The following DCK variants were observed in gnomAD, a reference collection of about 807,000 sequenced individuals.
DCK encodes deoxycytidine kinase.
Under a neutral mutation model 38.3 loss-of-function variants are expected in DCK, and 23 were observed. That is an observed-to-expected ratio of 0.60 (90% confidence interval 0.43 to 0.85). DCK has a LOEUF of 0.85. Among genes scored for constraint, DCK ranks in the 40% least tolerant of loss-of-function variants. The probability of loss-of-function intolerance (pLI) is 0.00; values close to 1 mark genes in which losing one functional copy is unlikely to be tolerated. For synonymous variants in DCK, 108 were observed against 100.6 expected (o/e 1.07, Z -0.44); for missense variants, 259 against 304.4 (o/e 0.85, Z 1.11).
intron 2 of DCK, among the ~76,000 whole-genome samples, chr4:71,004,196 C>A (rs565133337): frequency 1.3e-5 from 2 of 152,130 alleles, no homozygotes; most frequent in East Asian, 1.9e-4. Flanking sequence ...TTGTTAGTTT[C>A]CTTCTAACAG....
rs1740672946 is a variant in DCK at position 71,030,771 on chromosome 4, G to A, written c.*1393G>A. On this transcript the variant is annotated 3_prime_UTR_variant, in exon 7 of 7. Coordinates refer to ENST00000286648, the MANE Select transcript of DCK (RefSeq NM_000788.3). ...ATTATGAATATTAAAGGTGAAAATTGTATAAATTACTTTGATTCCATTTTA... is the reference window on the plus strand; with the variant it reads ...ATTATGAATATTAAAGGTGAAAATTATATAAATTACTTTGATTCCATTTTA... The A allele has an allele frequency of 6.6e-6, 1 of 152,014 alleles. No homozygotes were observed. Among genetic ancestry groups the A allele is most frequent in the South Asian group, 2.1e-4 (1 of 4,812 alleles). The allele number at this position is 152,014 out of a possible 1,614,324, so 9.4% of individuals were successfully genotyped here. A position where few individuals can be genotyped will look rare whatever the true frequency, so the allele number is the denominator to read the frequency against.
intron 2 of DCK, among the ~76,000 whole-genome samples, chr4:71,001,092 C>T (rs889097935): frequency 5.3e-5 from 8 of 151,286 alleles, no homozygotes; most frequent in South Asian, 2.1e-4. Context: ...TATCCTGTGC[C>T]GATTTTTGAA....
intron 6 of DCK, among the ~76,000 whole-genome samples, chr4:71,027,559 A>G (rs1294994956): frequency 6.6e-6 from 1 of 152,158 alleles, no homozygotes; most frequent in African/African-American, 2.4e-5. Context: ...AATTTGGTTT[A>G]GTTTTGAGAA....
At chr4:71,022,325 C>A in intron 2 of DCK, 42 bp from the exon 3 acceptor site, 2 of 1,146,120 alleles carry the variant, frequency 1.7e-6, no homozygotes, top group South Asian at 1.9e-5. Flanking sequence ...CCCTATTGAC[C>A]ATTAATTTTG....
At chr4:71,010,251 G>GT (rs1471118021) in intron 2 of DCK, among the ~76,000 whole-genome samples, 25 of 149,156 alleles carry the variant, frequency 1.7e-4, no homozygotes, top group Non-Finnish European at 2.7e-4. Context: ...TGGCAAAATA[G>GT]TAAGAGGCAA....
At position 71,022,314 on chromosome 4, in the gene DCK, G is replaced by A. The variant is rs868227883; in HGVS notation, c.208-53G>A. The A allele has an allele frequency of 5.2e-5, 50 of 957,266 alleles. 1 individual carries two copies. In the South Asian group the frequency reaches 1.0e-3, roughly 19 times the overall value. 59.3% of individuals were successfully genotyped at this position (957,266 alleles called of 1,614,324 possible). Reference sequence around the variant, plus strand: ...TTTTTTAGCCTTAAAAATTAAAATAGCCCTATTGACCATTAATTTTGCTTT... The same window carrying A: ...TTTTTTAGCCTTAAAAATTAAAATAACCCTATTGACCATTAATTTTGCTTT... On this transcript the variant is annotated intron_variant, in intron 2 of 6. Coordinates refer to ENST00000286648, the MANE Select transcript of DCK (RefSeq NM_000788.3).
intron 4 of DCK, 40 bp downstream of exon 4, chr4:71,023,746 GA>G (rs750945857): frequency 7.6e-6 from 12 of 1,580,578 alleles, no homozygotes; most frequent in Non-Finnish European, 1.0e-5. Context: ...AAAATTTAAA[GA>G]AATATTTAGA....
At chr4:71,000,221 G>C (rs1739769639) in intron 2 of DCK, among the ~76,000 whole-genome samples, 1 of 152,188 alleles carries the variant, frequency 6.6e-6, no homozygotes. Flanking sequence ...AAGGGGTCCA[G>C]TTTCCGTTTT....
chr4:70,993,955 A>G (rs913448647), intron 1 of DCK, 29 bp downstream of exon 1: 2 of 1,515,360 alleles, frequency 1.3e-6, no homozygotes, highest in African/African-American at 1.4e-5. Context: ...TGTGGGACGC[A>G]AGGCTGGGGT....
At chr4:71,006,214 A>G (rs758996964) in intron 2 of DCK, 2 of 214,968 alleles carry the variant, frequency 9.3e-6, no homozygotes, top group Non-Finnish European at 1.6e-5. Flanking sequence ...GCCTTTTGTC[A>G]TTTACTCTCA....
chr4:71,021,698 A>C (rs530399760), intron 2 of DCK, among the ~76,000 whole-genome samples: 4 of 152,124 alleles, frequency 2.6e-5, no homozygotes, highest in Admixed American at 6.5e-5. Flanking sequence ...GCCAAGAGGG[A>C]ATATGGGCAT....
At chr4:71,010,412 T>A (rs1181256811) in intron 2 of DCK, among the ~76,000 whole-genome samples, 2 of 151,390 alleles carry the variant, frequency 1.3e-5, no homozygotes, top group Non-Finnish European at 1.5e-5. Context: ...TGTTATTATT[T>A]AGGCCCAAAG....
At chr4:71,018,905 T>A (rs548403891) in intron 2 of DCK, among the ~76,000 whole-genome samples, 1 of 152,108 alleles carries the variant, frequency 6.6e-6, no homozygotes, top group Admixed American at 6.5e-5. Context: ...CTCCTGAGCT[T>A]AAGTGATCCG....
chr4:71,016,803 A>C (rs916996895), intron 2 of DCK, among the ~76,000 whole-genome samples: 9 of 152,248 alleles, frequency 5.9e-5, no homozygotes, highest in Non-Finnish European at 5.9e-5. Flanking sequence ...TAAAGACTTA[A>C]ATGTTAGACC....
chr4:71,011,776 T>C (rs1310592935), intron 2 of DCK, among the ~76,000 whole-genome samples: 1 of 152,220 alleles, frequency 6.6e-6, no homozygotes, highest in East Asian at 1.9e-4. Flanking sequence ...TAAATGATTT[T>C]ATAGCTGACC....
At chr4:71,002,751 T>C (rs1739840423) in intron 2 of DCK, among the ~76,000 whole-genome samples, 1 of 152,176 alleles carries the variant, frequency 6.6e-6, no homozygotes, top group Non-Finnish European at 1.5e-5. Flanking sequence ...TGATTTAAAG[T>C]CTGTTTTATC....
intron 1 of DCK, among the ~76,000 whole-genome samples, chr4:70,995,645 C>T (rs1739645064): frequency 6.6e-6 from 1 of 152,138 alleles, no homozygotes; most frequent in African/African-American, 2.4e-5. Flanking sequence ...ATACATTCAT[C>T]CCCTTTCCCT....
chr4:71,003,110 A>G (rs1376586265), intron 2 of DCK, among the ~76,000 whole-genome samples: 2 of 151,990 alleles, frequency 1.3e-5, no homozygotes, highest in African/African-American at 4.8e-5. Context: ...TTTCCTTTCC[A>G]TATTTAATGC....
At chr4:70,998,553 G>A (rs1343390224) in intron 2 of DCK, among the ~76,000 whole-genome samples, 1 of 152,162 alleles carries the variant, frequency 6.6e-6, no homozygotes, top group African/African-American at 2.4e-5. Context: ...TAAAGGACTT[G>A]AGTATATGTG....
Sources: allele counts gnomAD v4.1 joint callset (sites outside exome capture counted in the v4.1 genomes callset), GRCh38; gene constraint gnomAD v4.1.1; transcripts MANE v1.5; gene names NCBI Gene and HGNC (gene_info 2026-07-23, HGNC 2026-07-21).